The following SH3PXD2A variants were observed in gnomAD, a reference collection of about 807,000 sequenced individuals.
SH3PXD2A encodes SH3 and PX domains 2A.
In SH3PXD2A, 32 loss-of-function variants were observed where a neutral mutation model predicts 115.2. The ratio of observed to expected loss-of-function variants is 0.28; its 90% CI spans 0.21 to 0.37. The LOEUF (loss-of-function observed/expected upper bound fraction) is 0.37, where lower values mean the gene tolerates loss of function less well. SH3PXD2A is among the 10% of genes least tolerant of loss of function. The probability of loss-of-function intolerance (pLI) is 1.00; values close to 1 mark genes in which losing one functional copy is unlikely to be tolerated. For synonymous variants in SH3PXD2A, 610 were observed against 629.1 expected (o/e 0.97, Z 0.45); for missense variants, 1,328 against 1,498.7 (o/e 0.89, Z 1.88).
In SH3PXD2A at chr10:103,627,958, G is replaced by A. The variant is rs2036723028; in HGVS notation, c.605-756C>T. 6.6e-6 allele frequency among the ~76,000 whole-genome samples: 1 copy of A among 152,084 alleles called. No homozygotes were observed. Among genetic ancestry groups the A allele is most frequent in the Non-Finnish European group, 1.5e-5 (1 of 68,016 alleles). ...CTTCTTTGCCCCCAAAAGTGATTTG[G>A]TACTGATTCTCTTTTCTGCTCATGG... On this transcript the variant is annotated intron_variant, in intron 8 of 14. Transcript: ENST00000369774. This position sits in a 1 kb window ranked among gnomAD's most constrained non-coding sequence, Gnocchi z 4.4.
intron 9 of SH3PXD2A, among the ~76,000 whole-genome samples, chr10:103,625,112 C>A (rs1399522026): frequency 1.3e-5 from 2 of 152,246 alleles, no homozygotes; most frequent in African/African-American, 4.8e-5. Flanking sequence ...CCATCAAGGT[C>A]AAAATCCTGC....
At chr10:103,685,866 G>A (rs1451966615) in intron 6 of SH3PXD2A, among the ~76,000 whole-genome samples, 4 of 152,258 alleles carry the variant, frequency 2.6e-5, no homozygotes, top group East Asian at 1.9e-4. Context: ...ACGCCCTGTC[G>A]TCCCCTCCTG....
chr10:103,665,674 C>A lies in SH3PXD2A; in HGVS notation c.472+2934G>T, dbSNP rs1267432618. Among the ~76,000 whole-genome samples the A allele has an allele frequency of 6.6e-6, 1 of 152,196 alleles. No individual in the cohort carries two copies. Among genetic ancestry groups the A allele is most frequent in the Admixed American group, 6.5e-5 (1 of 15,286 alleles). ...GCGAGCAGGTATCCAGATGAGAAACCACTTGCAGGCCAGGCAGGCAGTGGG... is the reference window on the plus strand; with the variant it reads ...GCGAGCAGGTATCCAGATGAGAAACAACTTGCAGGCCAGGCAGGCAGTGGG... On this transcript the variant is annotated intron_variant, in intron 7 of 14. Transcript: ENST00000369774. The surrounding 1 kb of genome is among the most constrained non-coding windows in gnomAD (Gnocchi z 4.0).
At chr10:103,663,737 C>T (rs1224391045) in intron 7 of SH3PXD2A, among the ~76,000 whole-genome samples, 1 of 152,240 alleles carries the variant, frequency 6.6e-6, no homozygotes, top group Admixed American at 6.5e-5. Flanking sequence ...ACGGCAATGG[C>T]CACAGAACTC....
intron 8 of SH3PXD2A, among the ~76,000 whole-genome samples, chr10:103,633,726 T>TC (rs1554905368): frequency 0.032 from 473 of 14,932 alleles, 34 homozygotes; most frequent in African/African-American, 0.093. Context: ...AGATTCTGTC[T>TC]CAAAAAAAAA....
chr10:103,831,415 C>T (rs932497346), intron 1 of SH3PXD2A, among the ~76,000 whole-genome samples: 1 of 152,188 alleles, frequency 6.6e-6, no homozygotes, highest in African/African-American at 2.4e-5. Context: ...TCCTCAACAA[C>T]CTGAAGGTAT....
At position 103,763,066 on chromosome 10, in the gene SH3PXD2A, C is replaced by T. The variant is rs114424771; in HGVS notation, c.229+4028G>A. On this transcript the variant is annotated intron_variant, in intron 3 of 14. Coordinates refer to ENST00000369774, the MANE Select transcript of SH3PXD2A (RefSeq NM_001394015.1). ...CAGGCTGACCCTGAACTGACCATTA[C>T]ACCACCCAGACATATCACAAGACTG... 7.5e-3 allele frequency among the ~76,000 whole-genome samples: 1,148 copies of T among 152,308 alleles called. 22 individuals are homozygous for T. Among genetic ancestry groups the T allele is most frequent in the African/African-American group, 0.026 (1,077 of 41,566 alleles).
At chr10:103,795,557 AAAT>A (rs2039077515) in intron 2 of SH3PXD2A, among the ~76,000 whole-genome samples, 1 of 152,188 alleles carries the variant, frequency 6.6e-6, no homozygotes, top group South Asian at 2.1e-4. Flanking sequence ...CTCAAAAGTA[AAAT>A]AAGATAAAAT....
chr10:103,699,813 A>C (rs1022267191), intron 5 of SH3PXD2A, among the ~76,000 whole-genome samples: 3 of 152,188 alleles, frequency 2.0e-5, no homozygotes, highest in African/African-American at 4.8e-5. Context: ...CTTTCTCCGC[A>C]GGGCCTGTGT....
At chr10:103,843,798 C>A (rs1842811082) in intron 1 of SH3PXD2A, among the ~76,000 whole-genome samples, 1 of 152,180 alleles carries the variant, frequency 6.6e-6, no homozygotes, top group African/African-American at 2.4e-5. Context: ...ATCTGGGATG[C>A]AACCCTGGCT....
At chr10:103,731,479 A>G (rs1262545391) in intron 4 of SH3PXD2A, among the ~76,000 whole-genome samples, 2 of 152,028 alleles carry the variant, frequency 1.3e-5, no homozygotes, top group Non-Finnish European at 2.9e-5. Context: ...GTCTTTAAGG[A>G]GAAAAGGGAC....
chr10:103,606,952 G>A (rs1358110237), intron 13 of SH3PXD2A, among the ~76,000 whole-genome samples: 1 of 151,996 alleles, frequency 6.6e-6, no homozygotes, highest in Non-Finnish European at 1.5e-5. Context: ...CTGCCTGGCC[G>A]CCCATCGTCT....
chr10:103,838,398 C>T (rs183898488), intron 1 of SH3PXD2A, among the ~76,000 whole-genome samples: 6 of 152,188 alleles, frequency 3.9e-5, no homozygotes, highest in Admixed American at 2.6e-4. Context: ...CTCATATTAA[C>T]GGAAGAGGAA....
At chr10:103,688,101 G>T (rs114312527) in intron 6 of SH3PXD2A, among the ~76,000 whole-genome samples, 3,312 of 152,282 alleles carry the variant, frequency 0.022, 118 homozygotes, top group African/African-American at 0.075. Context: ...TGGCATAGTT[G>T]ATGCTCAGTT....
intron 2 of SH3PXD2A, among the ~76,000 whole-genome samples, chr10:103,779,178 C>T (rs1037899871): frequency 2.0e-5 from 3 of 152,258 alleles, no homozygotes; most frequent in Non-Finnish European, 4.4e-5. Flanking sequence ...AAGCGATTCT[C>T]CTGCCTCAGC....
chr10:103,791,181 G>A (rs924040716), intron 2 of SH3PXD2A, among the ~76,000 whole-genome samples: 13 of 152,236 alleles, frequency 8.5e-5, no homozygotes, highest in African/African-American at 3.1e-4. Flanking sequence ...TTCCCCCGCT[G>A]TATGAAAATC....
chr10:103,804,373 G>C (rs1313520895), intron 1 of SH3PXD2A, among the ~76,000 whole-genome samples: 5 of 132,938 alleles, frequency 3.8e-5, no homozygotes, highest in South Asian at 2.5e-4. Flanking sequence ...CCAGGTTGGA[G>C]TGCAGTGGCG....
chr10:103,615,519 T>C (rs1303528241), intron 11 of SH3PXD2A, among the ~76,000 whole-genome samples: 1 of 110,984 alleles, frequency 9.0e-6, no homozygotes, highest in East Asian at 2.8e-4. Context: ...TGTGTGTGTG[T>C]GTGTGTGTGT....
chr10:103,732,542 G>A (rs1339124864), intron 4 of SH3PXD2A, among the ~76,000 whole-genome samples: 3 of 152,220 alleles, frequency 2.0e-5, no homozygotes, highest in South Asian at 4.1e-4. Context: ...CCGCCATTAG[G>A]TGGTGGGACT....
Sources: gnomAD v4.1 joint callset for allele counts (sites outside exome capture counted in the v4.1 genomes callset) on GRCh38, gnomAD v4.1.1 for gene constraint, Gnocchi (gnomAD v3.1) non-coding constraint, MANE v1.5 for transcripts, NCBI Gene and HGNC (gene_info 2026-07-23, HGNC 2026-07-21) for gene names.